TAX1BP1: variants seen among roughly 807,000 people sequenced by gnomAD.
TAX1BP1 encodes the protein tax1-binding protein 1.
Under a neutral mutation model 97.7 loss-of-function variants are expected in TAX1BP1, and 62 were observed. That is an observed-to-expected ratio of 0.63 (90% CI 0.52 to 0.78). The LOEUF is 0.78. Ranked by LOEUF, TAX1BP1 falls within the 30% of genes least tolerant of loss-of-function variation. The pLI, the probability that TAX1BP1 is intolerant of heterozygous loss-of-function variation, is 0.00. For missense variants in TAX1BP1, 867 were observed against 916.1 expected (o/e 0.95, Z 0.69); for synonymous variants, 340 against 304.2 (o/e 1.12, Z -1.23).
At chr7:27,820,660 C>A (rs1029279494) in intron 15 of TAX1BP1, among the ~76,000 whole-genome samples, 2 of 152,022 alleles carry the variant, frequency 1.3e-5, no homozygotes, top group Non-Finnish European at 2.9e-5. Flanking sequence ...ATATGCAGTT[C>A]GATGAAAGAA....
chr7:27,751,948 C>T (rs1030409567), intron 2 of TAX1BP1, among the ~76,000 whole-genome samples: 1 of 152,080 alleles, frequency 6.6e-6, no homozygotes, highest in Non-Finnish European at 1.5e-5. Context: ...CCACCATGCC[C>T]AGCTACAGAT....
chr7:27,826,073 A>G (rs1395652189), intron 15 of TAX1BP1, among the ~76,000 whole-genome samples: 1 of 152,190 alleles, frequency 6.6e-6, no homozygotes, highest in African/African-American at 2.4e-5. Flanking sequence ...TCTGGGAGCT[A>G]GAGTAACCTG....
At chr7:27,742,766 C>G (rs1200477181) in intron 1 of TAX1BP1, among the ~76,000 whole-genome samples, 1 of 152,132 alleles carries the variant, frequency 6.6e-6, no homozygotes, top group Non-Finnish European at 1.5e-5. Flanking sequence ...GCACCCAGCC[C>G]ATCACGTTCT....
At chr7:27,818,296 TA>T (rs1353449484) in intron 15 of TAX1BP1, among the ~76,000 whole-genome samples, 3 of 152,178 alleles carry the variant, frequency 2.0e-5, no homozygotes, top group Non-Finnish European at 4.4e-5. Flanking sequence ...GGAGGACTCT[TA>T]ATATGCACAC....
At chr7:27,774,605 G>A (rs1788958750) in intron 5 of TAX1BP1, among the ~76,000 whole-genome samples, 1 of 151,840 alleles carries the variant, frequency 6.6e-6, no homozygotes, top group Admixed American at 6.6e-5. Context: ...TTGGAATATG[G>A]GATTTTATGG....
At chr7:27,814,974 T>A (rs1281459699) in intron 13 of TAX1BP1, among the ~76,000 whole-genome samples, 1 of 152,198 alleles carries the variant, frequency 6.6e-6, no homozygotes, top group Non-Finnish European at 1.5e-5. Context: ...CCTGACCTTG[T>A]GATCCATCCG....
rs114714223 is a variant in TAX1BP1 at position 27,825,654 on chromosome 7, C to T, written c.2086-2084C>T. Reference sequence around the variant, plus strand: ...ACTTAGAAAGTATAAATTACTTCTACCTTTTTTCCCCTCCAGGTATTTAAC... The same window carrying T: ...ACTTAGAAAGTATAAATTACTTCTATCTTTTTTCCCCTCCAGGTATTTAAC... On this transcript the variant is annotated intron_variant, in intron 15 of 16. Transcript: ENST00000396319. 9.3e-3 allele frequency among the ~76,000 whole-genome samples: 1,419 copies of T among 152,304 alleles called. 32 individuals carry two copies. Among genetic ancestry groups the T allele is most frequent in the African/African-American group, 0.033 (1,375 of 41,560 alleles).
intron 14 of TAX1BP1, 90 bp from the exon 15 acceptor site, chr7:27,816,800 G>A: frequency 6.7e-7 from 1 of 1,481,976 alleles, no homozygotes; most frequent in Non-Finnish European, 9.1e-7. Flanking sequence ...TGCCAAAGTG[G>A]TTCTTTATAT....
chr7:27,761,213 A>G (rs1324114270), intron 3 of TAX1BP1, among the ~76,000 whole-genome samples: 1 of 152,212 alleles, frequency 6.6e-6, no homozygotes, highest in African/African-American at 2.4e-5. Context: ...GTTTACAGAA[A>G]AAATTGAATG....
At position 27,791,994 on chromosome 7, in the gene TAX1BP1, T is replaced by C; in HGVS notation, c.1039-12T>C. 1.2e-6 allele frequency: 2 copies of C among 1,611,230 alleles called. No individual in the cohort carries two copies. Among genetic ancestry groups the C allele is most frequent in the Non-Finnish European group, 1.7e-6 (2 of 1,178,004 alleles). ...TGGTTGAATTACAAATATATTTATC[T>C]GCTTTCTTCAGGAAGATACTTGTTT... On this transcript the variant is annotated splice_polypyrimidine_tract_variant and intron_variant, in intron 8 of 16. Coordinates refer to ENST00000396319, the MANE Select transcript of TAX1BP1 (RefSeq NM_006024.7).
At chr7:27,760,849 C>T (rs1788400005) in intron 3 of TAX1BP1, among the ~76,000 whole-genome samples, 1 of 152,160 alleles carries the variant, frequency 6.6e-6, no homozygotes, top group African/African-American at 2.4e-5. Flanking sequence ...AATTTGGAAT[C>T]CTGCGTGCTT....
chr7:27,780,993 T>G (rs17613082), intron 5 of TAX1BP1, among the ~76,000 whole-genome samples: 21,309 of 152,088 alleles, frequency 0.14, 1,732 homozygotes, highest in Middle Eastern at 0.18. Flanking sequence ...CTAAATTTTT[T>G]TACTTATTCC....
At chr7:27,751,887 A>C (rs1025378722) in intron 2 of TAX1BP1, among the ~76,000 whole-genome samples, 6 of 152,116 alleles carry the variant, frequency 3.9e-5, no homozygotes, top group Non-Finnish European at 8.8e-5. Flanking sequence ...TCCTGGGCTC[A>C]AGCGATCCAC....
chr7:27,815,089 C>T (rs968902002), intron 13 of TAX1BP1, among the ~76,000 whole-genome samples: 1 of 152,088 alleles, frequency 6.6e-6, no homozygotes, highest in Middle Eastern at 3.2e-3. Flanking sequence ...ATCCTCATAC[C>T]ATTGTGAATA....
chr7:27,819,698 T>A (rs983277170), intron 15 of TAX1BP1, among the ~76,000 whole-genome samples: 1 of 152,200 alleles, frequency 6.6e-6, no homozygotes, highest in Non-Finnish European at 1.5e-5. Flanking sequence ...CATTGGAACG[T>A]AACCCCATCA....
At chr7:27,811,989 T>C (rs1790576569) in intron 13 of TAX1BP1, among the ~76,000 whole-genome samples, 2 of 152,182 alleles carry the variant, frequency 1.3e-5, no homozygotes, top group Admixed American at 1.3e-4. Flanking sequence ...TGGACATATG[T>C]TTTCATTTTT....
chr7:27,805,784 C>T (rs1393489639), intron 13 of TAX1BP1, among the ~76,000 whole-genome samples: 3 of 152,008 alleles, frequency 2.0e-5, no homozygotes, highest in East Asian at 1.9e-4. Context: ...TGCAGTGAGC[C>T]GAGATTGTGC....
At chr7:27,782,713 G>A (rs1475260175) in intron 5 of TAX1BP1, among the ~76,000 whole-genome samples, 2 of 152,142 alleles carry the variant, frequency 1.3e-5, no homozygotes, top group African/African-American at 4.8e-5. Context: ...AATCTGACTA[G>A]CAATTTTCAT....
chr7:27,784,910 A>G (rs925843228), intron 5 of TAX1BP1, among the ~76,000 whole-genome samples: 2 of 152,056 alleles, frequency 1.3e-5, no homozygotes, highest in African/African-American at 4.8e-5. Context: ...CTGAGCTGTG[A>G]TTGTGCCACC....
Sources: allele counts gnomAD v4.1 joint callset (sites outside exome capture counted in the v4.1 genomes callset), GRCh38; gene constraint gnomAD v4.1.1; transcripts MANE v1.5; gene names NCBI Gene and HGNC (gene_info 2026-07-23, HGNC 2026-07-21).